PACS2: variants seen among roughly 807,000 people sequenced by gnomAD.
PACS2 encodes the protein PACS1-like protein.
PACS2 carries 36 observed loss-of-function variants against 113.0 expected under a neutral mutation model. That is an observed-to-expected ratio of 0.32 (90% confidence interval 0.24 to 0.42). The LOEUF (loss-of-function observed/expected upper bound fraction) is 0.42. PACS2 is among the 10% of genes least tolerant of loss of function. The probability of loss-of-function intolerance (pLI) is 1.00; values close to 1 mark genes in which losing one functional copy is unlikely to be tolerated. For missense variants in PACS2, 1,015 were observed against 1,239.5 expected (o/e 0.82, Z 2.72); for synonymous variants, 589 against 536.1 (o/e 1.10, Z -1.36).
At chr14:105,326,613 T>A (rs2059118285) in intron 1 of PACS2, among the ~76,000 whole-genome samples, 1 of 152,246 alleles carries the variant, frequency 6.6e-6, no homozygotes, top group African/African-American at 2.4e-5. Flanking sequence ...GCTGCCTGTG[T>A]GCCACCCAAG....
chr14:105,373,328 C>T (rs2061227230), intron 8 of PACS2, among the ~76,000 whole-genome samples: 1 of 152,208 alleles, frequency 6.6e-6, no homozygotes, highest in African/African-American at 2.4e-5. Flanking sequence ...TACAAAACCA[C>T]AGTAGTAATC....
intron 1 of PACS2, among the ~76,000 whole-genome samples, chr14:105,303,777 G>A (rs1415864262): frequency 6.6e-6 from 1 of 152,136 alleles, no homozygotes; most frequent in Non-Finnish European, 1.5e-5. Flanking sequence ...AAATGTTGGG[G>A]ATTTTTCAAA....
rs2060942193 is a variant in PACS2, at chr14:105,366,385, C to T, written c.424-828C>T. On this transcript the variant is annotated intron_variant, in intron 4 of 24. Coordinates refer to ENST00000447393, the MANE Select transcript of PACS2 (RefSeq NM_001100913.3). This position sits in a 1 kb window ranked among gnomAD's most constrained non-coding sequence, Gnocchi z 4.3. ...AATAAATAAATCTGGTCTATAAAAT[C>T]CTAACATCTGGATGTGAACCGATAG... 6.6e-6 allele frequency among the ~76,000 whole-genome samples: 1 copy of T among 152,208 alleles called. No individual in the cohort carries two copies. Among genetic ancestry groups the T allele is most frequent in the Admixed American group, 6.5e-5 (1 of 15,280 alleles).
At chr14:105,321,018 T>C (rs2058865329) in intron 1 of PACS2, among the ~76,000 whole-genome samples, 1 of 152,170 alleles carries the variant, frequency 6.6e-6, no homozygotes, top group Non-Finnish European at 1.5e-5. Context: ...CCAGGCGTGG[T>C]GGCACGCACC....
Position 105,394,916 on chromosome 14 carries a change from C to T in PACS2, c.*244C>T. The T allele has an allele frequency of 2.1e-6, 1 of 472,976 alleles. No homozygotes were observed. Among genetic ancestry groups the T allele is most frequent in the Non-Finnish European group, 3.9e-6 (1 of 258,020 alleles). 29.3% of individuals were successfully genotyped at this position (472,976 alleles called of 1,614,324 possible). A position where few individuals can be genotyped will look rare whatever the true frequency, so the allele number is the denominator to read the frequency against. On this transcript the variant is annotated 3_prime_UTR_variant, in exon 25 of 25. Coordinates refer to ENST00000447393, the MANE Select transcript of PACS2 (RefSeq NM_001100913.3). ...GGAAGCCAGAAGGACGATGCTGAGC[C>T]ATGGATCGCGGAAGGCGTCCTCTGG...
intron 3 of PACS2, 61 bp downstream of exon 3, chr14:105,352,528 C>A: frequency 1.0e-6 from 1 of 986,636 alleles, no homozygotes; most frequent in Non-Finnish European, 1.6e-6. Context: ...GACGGGCCCC[C>A]CTCATCACTG....
In PACS2 at chr14:105,384,333, G is replaced by T. The variant is rs1555412962; in HGVS notation, c.1781-20G>T. The T allele has an allele frequency of 8.7e-6, 13 of 1,488,064 alleles. No homozygotes were observed. The highest frequency in any genetic ancestry group is 1.1e-5 in the Non-Finnish European group (12 of 1,069,774). The allele number at this position is 1,488,064 out of a possible 1,614,324, so 92.2% of individuals were successfully genotyped here. ...CTCCGAGTCCCCCGTGGTGACACCAGCCCCACCCCTGGCATGCAGGCTCCC... is the reference window on the plus strand; with the variant it reads ...CTCCGAGTCCCCCGTGGTGACACCATCCCCACCCCTGGCATGCAGGCTCCC... On this transcript the variant is annotated intron_variant, in intron 16 of 24. Coordinates refer to ENST00000447393, the MANE Select transcript of PACS2 (RefSeq NM_001100913.3).
At chr14:105,305,900 A>G (rs1276457292) in intron 1 of PACS2, among the ~76,000 whole-genome samples, 8 of 152,150 alleles carry the variant, frequency 5.3e-5, no homozygotes, top group Admixed American at 4.6e-4. Flanking sequence ...CAGGACCCTC[A>G]CTCGCACCGC....
At position 105,384,875 on chromosome 14, in the gene PACS2, G is replaced by C. The variant is rs1405233899; in HGVS notation, c.1892-4G>C. ...TAACCCCCCACCGCCTCCTCCCCCTGCAGTACAGGACACGCCAGACATTGT... is the reference window on the plus strand; with the variant it reads ...TAACCCCCCACCGCCTCCTCCCCCTCCAGTACAGGACACGCCAGACATTGT... On this transcript the variant is annotated splice_polypyrimidine_tract_variant and splice_region_variant and intron_variant, in intron 17 of 24. Transcript: ENST00000447393. The C allele has an allele frequency of 6.4e-7, 1 of 1,560,456 alleles. No homozygotes were observed. Among genetic ancestry groups the C allele is most frequent in the South Asian group, 1.2e-5 (1 of 85,668 alleles).
intron 1 of PACS2, among the ~76,000 whole-genome samples, chr14:105,332,478 A>C (rs868340777): frequency 6.6e-5 from 10 of 152,304 alleles, no homozygotes; most frequent in South Asian, 4.1e-4. Flanking sequence ...CTGAGGCCAC[A>C]CAGGAAGCAG....
chr14:105,348,379 C>A lies in PACS2; in HGVS notation c.120-114C>A, dbSNP rs1347396049. ...CTGGGGCCGCCCAGGCAGTCACACC[C>A]CGCCCTGCACCCCAGGGTGCAGGCT... On this transcript the variant is annotated intron_variant, in intron 1 of 24. Transcript: ENST00000447393. The surrounding 1 kb of genome is among the most constrained non-coding windows in gnomAD (Gnocchi z 6.4). The A allele has an allele frequency of 1.4e-5, 10 of 733,384 alleles. No individual in the cohort carries two copies. Among genetic ancestry groups the A allele is most frequent in the Non-Finnish European group, 2.3e-5 (10 of 437,602 alleles). 45.4% of individuals were successfully genotyped at this position (733,384 alleles called of 1,614,324 possible).
intron 1 of PACS2, among the ~76,000 whole-genome samples, chr14:105,304,844 C>T (rs753107569): frequency 7.2e-5 from 11 of 152,186 alleles, no homozygotes; most frequent in Non-Finnish European, 1.6e-4. Flanking sequence ...CGTCAGATCT[C>T]GTGAGACTTA....
At chr14:105,320,996 T>A (rs1487358473) in intron 1 of PACS2, among the ~76,000 whole-genome samples, 1 of 152,128 alleles carries the variant, frequency 6.6e-6, no homozygotes, top group Non-Finnish European at 1.5e-5. Flanking sequence ...CTACTAAACA[T>A]ACAAAAATTA....
At chr14:105,384,731 C>T (rs1478067119) in intron 17 of PACS2, 148 bp from the exon 18 acceptor site, 2 of 658,016 alleles carry the variant, frequency 3.0e-6, no homozygotes, top group Non-Finnish European at 5.6e-6. Flanking sequence ...GAGAGTAGAG[C>T]ACCAGGGCCC....
At chr14:105,312,699 C>G (rs138640836), upstream of PACS2, among the ~76,000 whole-genome samples, 106 of 152,318 alleles carry the variant, frequency 7.0e-4, 3 homozygotes, top group East Asian at 0.019. Flanking sequence ...GTGCAAATAA[C>G]AAGTTCTGGC....
intron 1 of PACS2, among the ~76,000 whole-genome samples, chr14:105,301,928 G>T (rs1958290928): frequency 6.6e-6 from 1 of 152,166 alleles, no homozygotes; most frequent in Non-Finnish European, 1.5e-5. Flanking sequence ...CGTAAGGTGA[G>T]GAGTTCGAGA....
intron 8 of PACS2, 58 bp downstream of exon 8, chr14:105,369,958 G>T: frequency 6.9e-7 from 1 of 1,458,122 alleles, no homozygotes; most frequent in South Asian, 1.2e-5. Flanking sequence ...ACCTGGTCGG[G>T]AGGAGGCCTC....
At chr14:105,394,166 T>A in intron 24 of PACS2, 1 of 984,808 alleles carries the variant, frequency 1.0e-6, no homozygotes, top group Non-Finnish European at 1.2e-6. Flanking sequence ...CGTGGCCCTG[T>A]CTCCCCACAG....
upstream of PACS2, among the ~76,000 whole-genome samples, chr14:105,310,533 CA>C (rs764203821): frequency 5.9e-3 from 473 of 79,708 alleles, 6 homozygotes; most frequent in African/African-American, 0.021. Flanking sequence ...GACTCTGTCT[CA>C]AAAAAAAAAA....
Sources: allele counts gnomAD v4.1 joint callset (sites outside exome capture counted in the v4.1 genomes callset), GRCh38; gene constraint gnomAD v4.1.1; non-coding constraint Gnocchi (gnomAD v3.1); transcripts MANE v1.5; gene names NCBI Gene and HGNC (gene_info 2026-07-23, HGNC 2026-07-21).